Variants in GFRA1 observed in about 807,000 individuals in gnomAD.
GFRA1 encodes the protein GDNF family receptor alpha 1.
In GFRA1, 16 loss-of-function variants were observed where a neutral mutation model predicts 51.6. The observed-to-expected ratio is 0.31, with a 90% CI of 0.21 to 0.47. GFRA1 has a LOEUF of 0.47. Among genes scored for constraint, GFRA1 ranks in the 20% least tolerant of loss-of-function variants. The probability of loss-of-function intolerance (pLI) is 1.00; values close to 1 mark genes in which losing one functional copy is unlikely to be tolerated. For missense variants in GFRA1, 530 were observed against 594.3 expected, an observed-to-expected ratio of 0.89 and a Z score of 1.13; for synonymous variants, 270 against 241.3, an observed-to-expected ratio of 1.12 and a Z score of -1.10.
At chr10:116,071,179 G>A (rs190118059) in intron 9 of GFRA1, among the ~76,000 whole-genome samples, 47 of 152,182 alleles carry the variant, frequency 3.1e-4, no homozygotes, top group African/African-American at 1.1e-3. Context: ...CTGGGCAAGC[G>A]TGCTTCTGAG....
chr10:116,181,056 C>T (rs1410035681), intron 5 of GFRA1, among the ~76,000 whole-genome samples: 1 of 152,168 alleles, frequency 6.6e-6, no homozygotes, highest in Non-Finnish European at 1.5e-5. Context: ...TGATGACGCT[C>T]TTGAGGTGGA....
At chr10:116,188,510 G>A (rs1962942399) in intron 5 of GFRA1, among the ~76,000 whole-genome samples, 1 of 152,116 alleles carries the variant, frequency 6.6e-6, no homozygotes, top group Non-Finnish European at 1.5e-5. Context: ...TTTCAGTTTG[G>A]GATGATGAAA....
chr10:116,093,163 C>T (rs1589781790), intron 8 of GFRA1, among the ~76,000 whole-genome samples: 2 of 152,284 alleles, frequency 1.3e-5, no homozygotes, highest in South Asian at 4.1e-4. Flanking sequence ...CAGTTTATCC[C>T]CCTCAAGAAT....
chr10:116,264,621 T>A (rs768628678), intron 4 of GFRA1, among the ~76,000 whole-genome samples: 3 of 152,228 alleles, frequency 2.0e-5, no homozygotes, highest in Non-Finnish European at 4.4e-5. Context: ...AGGTGAAATT[T>A]GATCTTGGTC....
intron 5 of GFRA1, among the ~76,000 whole-genome samples, chr10:116,131,809 C>T (rs59411775): frequency 4.0e-5 from 6 of 150,010 alleles, no homozygotes; most frequent in African/African-American, 1.5e-4. Context: ...TGGTAATGTT[C>T]TCTACCTTGA....
rs1180680656 is a variant in GFRA1 at position 116,101,662 on chromosome 10, G to A, written c.771-4898C>T. ...ACAGTTTTAGGAAAGTAGTGTGATGGAAAACAGGTAAAAACATACCAGTAA... is the reference window on the plus strand; with the variant it reads ...ACAGTTTTAGGAAAGTAGTGTGATGAAAAACAGGTAAAAACATACCAGTAA... On this transcript the variant is annotated intron_variant, in intron 6 of 10. Transcript: ENST00000355422. Among the ~76,000 whole-genome samples, 6 of 152,132 alleles carry A rather than the reference G, an allele frequency of 3.9e-5. 1 individual carries two copies. The highest frequency in any genetic ancestry group is 3.9e-4 in the Admixed American group (6 of 15,274).
At chr10:116,161,409 C>T (rs1722748800) in intron 5 of GFRA1, among the ~76,000 whole-genome samples, 1 of 152,130 alleles carries the variant, frequency 6.6e-6, no homozygotes, top group Non-Finnish European at 1.5e-5. Context: ...GAAGCAGCAG[C>T]GTTTCCATAA....
At chr10:116,138,118 G>A (rs527635766) in intron 5 of GFRA1, among the ~76,000 whole-genome samples, 17 of 152,166 alleles carry the variant, frequency 1.1e-4, no homozygotes, top group African/African-American at 4.1e-4. Flanking sequence ...ATTTTTTAAT[G>A]GTGTTTTGCT....
chr10:116,255,494 G>T, intron 4 of GFRA1: 1 of 827,858 alleles, frequency 1.2e-6, no homozygotes, highest in Non-Finnish European at 1.6e-6. Flanking sequence ...AGAATCATCA[G>T]GAAAAAAAAA....
At chr10:116,121,318 GA>G (rs1957632999) in intron 6 of GFRA1, among the ~76,000 whole-genome samples, 1 of 152,126 alleles carries the variant, frequency 6.6e-6, no homozygotes, top group African/African-American at 2.4e-5. Flanking sequence ...GTGAGGCTTT[GA>G]AATTCCATCA....
At chr10:116,139,481 G>GT (rs1958472352) in intron 5 of GFRA1, among the ~76,000 whole-genome samples, 1 of 152,258 alleles carries the variant, frequency 6.6e-6, no homozygotes, top group Non-Finnish European at 1.5e-5. Flanking sequence ...ACACTAGCTA[G>GT]TTTTTGTGAG....
chr10:116,159,030 T>A (rs1959463340), intron 5 of GFRA1, among the ~76,000 whole-genome samples: 1 of 152,204 alleles, frequency 6.6e-6, no homozygotes, highest in African/African-American at 2.4e-5. Context: ...ATCCTCTAAG[T>A]CATCAGGCGT....
intron 4 of GFRA1, among the ~76,000 whole-genome samples, chr10:116,236,393 A>T (rs1490827756): frequency 1.5e-4 from 23 of 152,194 alleles, no homozygotes; most frequent in Non-Finnish European, 4.4e-5. Context: ...GGTTACCAGG[A>T]CTTTCTCATA....
intron 5 of GFRA1, among the ~76,000 whole-genome samples, chr10:116,151,880 A>T (rs1019664395): frequency 6.6e-6 from 1 of 152,188 alleles, no homozygotes; most frequent in African/African-American, 2.4e-5. Flanking sequence ...TTTATGGAGG[A>T]AATAATATGA....
chr10:116,169,612 A>C (rs1960835357), intron 5 of GFRA1, among the ~76,000 whole-genome samples: 1 of 152,196 alleles, frequency 6.6e-6, no homozygotes, highest in Admixed American at 6.5e-5. Context: ...CGGTCACAGA[A>C]TTTGGCCAAG....
intron 5 of GFRA1, among the ~76,000 whole-genome samples, chr10:116,148,137 G>A (rs1320531649): frequency 1.6e-5 from 2 of 127,374 alleles, no homozygotes; most frequent in Non-Finnish European, 3.3e-5. Flanking sequence ...TGGGGTGGGG[G>A]GTAGGGACTG....
In GFRA1 at chr10:116,064,297, A is replaced by T. The variant is rs955341444; in HGVS notation, c.*101T>A. 2.9e-6 allele frequency: 3 copies of T among 1,020,706 alleles called. No individual in the cohort carries two copies. The highest frequency in any genetic ancestry group is 1.6e-5 in the African/African-American group (1 of 62,714). The allele number at this position is 1,020,706 out of a possible 1,614,324, so 63.2% of individuals were successfully genotyped here. ...TCCAGTTGAATGGAACTGTTTCTCA[A>T]CTGAGCTCCTAAACTGGAATTTCAG... On this transcript the variant is annotated 3_prime_UTR_variant, in exon 11 of 11. Coordinates refer to ENST00000355422, the MANE Select transcript of GFRA1 (RefSeq NM_005264.8).
At chr10:116,172,368 G>C (rs896999669) in intron 5 of GFRA1, among the ~76,000 whole-genome samples, 1 of 152,114 alleles carries the variant, frequency 6.6e-6, no homozygotes, top group African/African-American at 2.4e-5. Flanking sequence ...TGGTATGGGA[G>C]AGCAATGAAG....
At chr10:116,222,964 G>A (rs1222998194) in intron 4 of GFRA1, among the ~76,000 whole-genome samples, 1 of 152,012 alleles carries the variant, frequency 6.6e-6, no homozygotes, top group Non-Finnish European at 1.5e-5. Context: ...TGTATTATAG[G>A]TAACCTATAG....
Sources: allele counts gnomAD v4.1 joint callset (sites outside exome capture counted in the v4.1 genomes callset), GRCh38; gene constraint gnomAD v4.1.1; transcripts MANE v1.5; gene names NCBI Gene and HGNC (gene_info 2026-07-23, HGNC 2026-07-21).